ERG: variants seen among roughly 807,000 people sequenced by gnomAD.
The protein encoded by ERG is transcriptional regulator ERG.
A neutral mutation model predicts 55.3 loss-of-function variants in ERG; 9 were observed. The observed-to-expected ratio is 0.16, with a 90% CI of 0.10 to 0.28. The LOEUF is 0.28. Among genes scored for constraint, ERG ranks in the 10% least tolerant of loss-of-function variants. The probability of loss-of-function intolerance (pLI) is 1.00; values close to 1 mark genes in which losing one functional copy is unlikely to be tolerated. For synonymous variants in ERG, 223 were observed against 237.3 expected, an observed-to-expected ratio of 0.94 and a Z score of 0.55; for missense variants, 434 against 631.6, an observed-to-expected ratio of 0.69 and a Z score of 3.35.
At chr21:38,559,837 C>T (rs1018984800) in intron 2 of ERG, among the ~76,000 whole-genome samples, 2 of 152,114 alleles carry the variant, frequency 1.3e-5, no homozygotes, top group African/African-American at 4.8e-5. Context: ...TGCGCCACCA[C>T]GCCCAGCTAA....
chr21:38,505,379 T>C (rs1178743711), intron 2 of ERG, among the ~76,000 whole-genome samples: 1 of 152,176 alleles, frequency 6.6e-6, no homozygotes, highest in Non-Finnish European at 1.5e-5. Context: ...CCACACTGTA[T>C]TATCTCCCAC....
At chr21:38,436,607 G>A (rs546972142) in intron 2 of ERG, among the ~76,000 whole-genome samples, 6 of 152,192 alleles carry the variant, frequency 3.9e-5, no homozygotes, top group Non-Finnish European at 5.9e-5. Context: ...GTGGTCATCC[G>A]TAAATGTGAA....
chr21:38,395,813 T>C (rs1988183823), intron 6 of ERG, among the ~76,000 whole-genome samples: 1 of 152,194 alleles, frequency 6.6e-6, no homozygotes. Context: ...ATCACTAAAT[T>C]AATACAACAT....
chr21:38,647,068 G>A (rs1034558457), intron 1 of ERG, among the ~76,000 whole-genome samples: 6 of 152,120 alleles, frequency 3.9e-5, no homozygotes, highest in African/African-American at 9.7e-5. Context: ...GATAAGTACC[G>A]TGTCACCTTC....
chr21:38,445,138 CTTTTTTTTT>C (rs77891753), intron 2 of ERG, among the ~76,000 whole-genome samples: 3 of 136,664 alleles, frequency 2.2e-5, no homozygotes, highest in Admixed American at 1.5e-4. Flanking sequence ...CTTTCTTCTT[CTTTTTTTTT>C]TTTTTTTTTT....
intron 2 of ERG, among the ~76,000 whole-genome samples, chr21:38,574,988 A>G (rs1211444701): frequency 6.6e-6 from 1 of 152,162 alleles, no homozygotes; most frequent in Admixed American, 6.6e-5. Context: ...GCTATTACCC[A>G]CATGTATGTG....
intron 2 of ERG, among the ~76,000 whole-genome samples, chr21:38,554,297 A>G (rs1367339486): frequency 6.6e-6 from 1 of 152,222 alleles, no homozygotes; most frequent in Admixed American, 6.5e-5. Flanking sequence ...CTTAAAATAG[A>G]ACTACCATTC....
At chr21:38,537,110 A>G (rs1235346050) in intron 2 of ERG, among the ~76,000 whole-genome samples, 1 of 152,172 alleles carries the variant, frequency 6.6e-6, no homozygotes. Context: ...ATGCAAAAGA[A>G]AAAAGTTGGG....
chr21:38,419,628 G>A (rs1016956086), intron 3 of ERG, among the ~76,000 whole-genome samples: 5 of 151,970 alleles, frequency 3.3e-5, no homozygotes, highest in Non-Finnish European at 5.9e-5. Flanking sequence ...GGATTCTACC[G>A]TGCTCTTTCA....
chr21:38,589,741 A>G (rs2060088427), upstream of ERG, among the ~76,000 whole-genome samples: 1 of 152,142 alleles, frequency 6.6e-6, no homozygotes. Context: ...TATCTGGGGG[A>G]AAGGAGGGAA....
chr21:38,533,444 A>G (rs926139781), intron 2 of ERG, among the ~76,000 whole-genome samples: 1 of 152,130 alleles, frequency 6.6e-6, no homozygotes, highest in African/African-American at 2.4e-5. Flanking sequence ...TTTTCCTTCA[A>G]TCCTCTAAAA....
chr21:38,450,964 A>G, intron 1 of ERG: 1 of 449,628 alleles, frequency 2.2e-6, no homozygotes, highest in Admixed American at 2.4e-5. Context: ...AGGATGAGGC[A>G]GAAACAGGGT....
intron 2 of ERG, among the ~76,000 whole-genome samples, chr21:38,552,040 A>G (rs1205949803): frequency 6.6e-6 from 1 of 152,226 alleles, no homozygotes; most frequent in Non-Finnish European, 1.5e-5. Flanking sequence ...GGGTGCATAC[A>G]TATCTAGAAC....
downstream of ERG, among the ~76,000 whole-genome samples, chr21:38,376,385 C>G (rs781679915): frequency 6.6e-6 from 1 of 152,206 alleles, no homozygotes; most frequent in Non-Finnish European, 1.5e-5. Flanking sequence ...CCACCACTTC[C>G]GCTCTCTTTC....
chr21:38,382,295 A>G lies in ERG; in HGVS notation c.*1108T>C. 1 of 1,054,364 alleles carries G rather than the reference A, an allele frequency of 9.5e-7. No homozygotes were observed. Among genetic ancestry groups the G allele is most frequent in the East Asian group, 5.3e-5 (1 of 18,744 alleles). 65.3% of individuals were successfully genotyped at this position (1,054,364 alleles called of 1,614,324 possible). ...CAAACGCACAGCGTTCGCGACTCAA[A>G]GGAAAACTGGAGGCCGCCTACCCAA... On this transcript the variant is annotated 3_prime_UTR_variant, in exon 10 of 10. Coordinates refer to ENST00000288319, the MANE Select transcript of ERG (RefSeq NM_182918.4).
intron 1 of ERG, chr21:38,450,914 C>T (rs1173809104): frequency 2.2e-6 from 1 of 456,068 alleles, no homozygotes; most frequent in South Asian, 1.6e-5. Context: ...TTCTTGCCCA[C>T]CCATCAGAAA....
intron 1 of ERG, among the ~76,000 whole-genome samples, chr21:38,638,874 A>C (rs2060406611): frequency 6.6e-6 from 1 of 152,114 alleles, no homozygotes; most frequent in African/African-American, 2.4e-5. Flanking sequence ...CAGGTAATTT[A>C]GGGTTCCTCT....
upstream of ERG, among the ~76,000 whole-genome samples, chr21:38,501,215 G>A (rs536274665): frequency 2.0e-5 from 3 of 151,656 alleles, no homozygotes; most frequent in South Asian, 2.1e-4. Context: ...GCAGGCGCCC[G>A]CCACCACACC....
At chr21:38,658,946 A>G in intron 1 of ERG, among the ~76,000 whole-genome samples, 1 of 152,254 alleles carries the variant, frequency 6.6e-6, no homozygotes, top group Non-Finnish European at 1.5e-5. Context: ...AGATTAAATC[A>G]CCAATAATTC....
Sources: gnomAD v4.1 joint callset for allele counts (sites outside exome capture counted in the v4.1 genomes callset) on GRCh38, gnomAD v4.1.1 for gene constraint, MANE v1.5 for transcripts, NCBI Gene and HGNC (gene_info 2026-07-23, HGNC 2026-07-21) for gene names.